Variants in SLC16A4 observed in about 807,000 individuals in gnomAD.
SLC16A4 encodes the protein probable monocarboxylate transporter 5.
A neutral mutation model predicts 47.9 loss-of-function variants in SLC16A4; 39 were observed. The ratio of observed to expected loss-of-function variants is 0.81; its 90% CI spans 0.63 to 1.06. The LOEUF (loss-of-function observed/expected upper bound fraction) is 1.06. Ranked by LOEUF, SLC16A4 falls within the 50% of genes least tolerant of loss-of-function variation. The probability of loss-of-function intolerance (pLI) is 0.00; values close to 1 mark genes in which losing one functional copy is unlikely to be tolerated. For synonymous variants in SLC16A4, 189 were observed against 199.9 expected, an observed-to-expected ratio of 0.95 and a Z score of 0.46; for missense variants, 524 against 573.8, an observed-to-expected ratio of 0.91 and a Z score of 0.89.
At chr1:110,384,638 ACT>A (rs778655094) in intron 2 of SLC16A4, among the ~76,000 whole-genome samples, 5 of 152,036 alleles carry the variant, frequency 3.3e-5, no homozygotes, top group Admixed American at 6.6e-5. Flanking sequence ...GCCCAGGTGT[ACT>A]CTCTGTCTCC....
intron 8 of SLC16A4, among the ~76,000 whole-genome samples, chr1:110,365,276 G>A (rs1175333925): frequency 1.3e-5 from 2 of 151,730 alleles, no homozygotes; most frequent in Admixed American, 1.3e-4. Context: ...TGCCTCACTG[G>A]ATATGTAGAG....
rs760854526 is a variant in SLC16A4 at position 110,389,312 on chromosome 1, C to T, written c.12G>A (p.Arg4=). Residue 4 remains arginine, a synonymous_variant, in exon 2 of 9, where the codon AGG becomes AGA. Transcript: ENST00000369779. ...TAGTGTAAGGTTGGACCTTCCCCTC[C>T]CTCTTCAGCATGATGCCTCTTCTAT... MLK[R]EGKVQPYTKT... 3 of 1,611,948 alleles carry T rather than the reference C, an allele frequency of 1.9e-6. No homozygotes were observed. The highest frequency in any genetic ancestry group is 1.3e-5 in the African/African-American group (1 of 74,900).
intron 2 of SLC16A4, among the ~76,000 whole-genome samples, chr1:110,385,500 A>G (rs1662684781): frequency 6.6e-6 from 1 of 152,188 alleles, no homozygotes; most frequent in South Asian, 2.1e-4. Flanking sequence ...TTGTCCAAAC[A>G]TAAACTCACA....
In SLC16A4 at chr1:110,379,239, A is replaced by C; in HGVS notation, c.644T>G (p.Leu215Trp). The change falls in exon 6 of 9, where the codon TTG (leucine) becomes TGG (tryptophan). Residue 215 changes from leucine to tryptophan, a missense_variant. Leu to Trp is a moderately conservative substitution (Grantham distance 61). Coordinates refer to ENST00000369779, the MANE Select transcript of SLC16A4 (RefSeq NM_004696.3). ...ATGTGCCTCTGGACCATGTGCAGAC[A>C]AACTGCTGCCTTTATCTTTAATACC... The part of the protein sequence containing the change: ...NSGIKDKGSS[L>W]SAHGPEAHAT... 6.2e-7 allele frequency: 1 copy of C among 1,614,232 alleles called. No homozygotes were observed. The highest frequency in any genetic ancestry group is 1.7e-5 in the Admixed American group (1 of 60,030).
chr1:110,383,580 A>T (rs755444873), intron 2 of SLC16A4, among the ~76,000 whole-genome samples: 2 of 152,112 alleles, frequency 1.3e-5, no homozygotes, highest in Non-Finnish European at 2.9e-5. Flanking sequence ...GATCCATCAA[A>T]TGCAGGGCCT....
At chr1:110,379,968 G>A (rs1662269332) in intron 5 of SLC16A4, 1 of 151,260 alleles carries the variant, frequency 6.6e-6, no homozygotes, top group Admixed American at 6.6e-5. Context: ...TGAGGTGGGA[G>A]GATCGCTTAG....
At position 110,377,014 on chromosome 1, in the gene SLC16A4, A is replaced by G. The variant is rs372165622; in HGVS notation, c.1178T>C (p.Met393Thr). The stretch of plus-strand genomic sequence containing the variant: ...GATGGCAAAGCAGATGGTGTAGGTC[A>G]TAAGTAGTGGAAATGTGGTGGCTAA... Reference protein sequence around the residue: ...APLATTFPLLMTYTICFAIFA... With the variant: ...APLATTFPLLTTYTICFAIFA... The change falls in exon 7 of 9, where the codon ATG (methionine) becomes ACG (threonine). Residue 393 changes from methionine to threonine, a missense_variant. Coordinates refer to ENST00000369779, the MANE Select transcript of SLC16A4 (RefSeq NM_004696.3). 6.2e-6 allele frequency: 10 copies of G among 1,613,792 alleles called. No homozygotes were observed. Among genetic ancestry groups the G allele is most frequent in the Admixed American group, 1.7e-5 (1 of 59,970 alleles).
At chr1:110,377,183 T>C in intron 6 of SLC16A4, 22 bp from the exon 7 acceptor site, 2 of 1,595,346 alleles carry the variant, frequency 1.3e-6, no homozygotes, top group Non-Finnish European at 1.7e-6. Flanking sequence ...TTGAAATCTT[T>C]TTATTTTCCT....
intron 2 of SLC16A4, among the ~76,000 whole-genome samples, chr1:110,383,815 T>G (rs1189319996): frequency 3.8e-4 from 40 of 104,348 alleles, no homozygotes; most frequent in South Asian, 6.7e-4. Context: ...GTTTTTTTTT[T>G]TTTTTTTTTT....
intron 1 of SLC16A4, among the ~76,000 whole-genome samples, chr1:110,389,878 C>T (rs149868861): frequency 5.8e-4 from 88 of 152,248 alleles, no homozygotes; most frequent in Middle Eastern, 3.4e-3. Flanking sequence ...AGGGGAACCA[C>T]AGACACTGGG....
chr1:110,380,631 C>CG (rs1219480058), intron 5 of SLC16A4, among the ~76,000 whole-genome samples: 1 of 5,586 alleles, frequency 1.8e-4, no homozygotes, highest in East Asian at 2.2e-3. Flanking sequence ...TTTGATGGGG[C>CG]GGGGGCGGGG....
chr1:110,390,941 T>C lies in SLC16A4; in HGVS notation c.-109A>G, dbSNP rs1663005983. On this transcript the variant is annotated 5_prime_UTR_variant, in exon 1 of 9. Coordinates refer to ENST00000369779, the MANE Select transcript of SLC16A4 (RefSeq NM_004696.3). ...AAGAAAAATAAATTACACCGTTTTC[T>C]GGAATGTTACTCTTTTTCTAAGGCA... The C allele has an allele frequency of 6.6e-6, 1 of 152,226 alleles. No homozygotes were observed. The highest frequency in any genetic ancestry group is 2.1e-4 in the South Asian group (1 of 4,830). 9.4% of individuals were successfully genotyped at this position (152,226 alleles called of 1,614,324 possible).
chr1:110,382,957 A>T lies in SLC16A4; in HGVS notation c.97T>A (p.Phe33Ile). 6.2e-7 allele frequency: 1 copy of T among 1,609,136 alleles called. No individual in the cohort carries two copies. Among genetic ancestry groups the T allele is most frequent in the Non-Finnish European group, 8.5e-7 (1 of 1,176,752 alleles). ...IVIHFFLVNVFVMGMTKTFAI... is the reference protein window; with the variant it reads ...IVIHFFLVNVIVMGMTKTFAI... ...AAAGTCTTGGTCATCCCCATCACAA[A>T]CACATTCACCTAAATCAAAGCAGAC... Residue 33 changes from phenylalanine (F) to isoleucine (I), a missense_variant, in exon 3 of 9, where the codon TTT becomes ATT. Coordinates refer to ENST00000369779, the MANE Select transcript of SLC16A4 (RefSeq NM_004696.3).
intron 2 of SLC16A4, among the ~76,000 whole-genome samples, chr1:110,383,816 T>TTTG (rs1662577924): frequency 9.2e-6 from 1 of 109,204 alleles, no homozygotes; most frequent in East Asian, 2.6e-4. Flanking sequence ...TTTTTTTTTT[T>TTTG]TTTTTTTTTT....
chr1:110,363,455 C>T lies in SLC16A4; in HGVS notation c.*311G>A, dbSNP rs181689674. 3.3e-3 allele frequency: 554 copies of T among 170,156 alleles called. 10 individuals are homozygous for T. Among genetic ancestry groups the T allele is most frequent in the Admixed American group, 0.026 (406 of 15,658 alleles). The allele number at this position is 170,156 out of a possible 1,614,324, so 10.5% of individuals were successfully genotyped here. On this transcript the variant is annotated 3_prime_UTR_variant, in exon 9 of 9. Transcript: ENST00000369779. Reference sequence around the variant, plus strand: ...TCCTGGCTAACATGGTGAAACCCCGCCTCTACTAAAAATACAAAAAATTAG... The same window carrying T: ...TCCTGGCTAACATGGTGAAACCCCGTCTCTACTAAAAATACAAAAAATTAG...
chr1:110,386,347 C>G (rs1319375420), intron 2 of SLC16A4, among the ~76,000 whole-genome samples: 7 of 152,156 alleles, frequency 4.6e-5, no homozygotes, highest in Non-Finnish European at 8.8e-5. Flanking sequence ...TAGGTTTTTC[C>G]TTAGTTAATT....
intron 2 of SLC16A4, 175 bp from the exon 3 acceptor site, chr1:110,383,141 A>G: frequency 2.0e-6 from 1 of 506,264 alleles, no homozygotes; most frequent in Non-Finnish European, 3.4e-6. Context: ...CTTTTAAAGT[A>G]GCTAAGCATT....
At chr1:110,378,725 T>G (rs1570644395) in intron 6 of SLC16A4, 128 bp downstream of exon 6, 1 of 1,193,880 alleles carries the variant, frequency 8.4e-7, no homozygotes, top group Non-Finnish European at 1.2e-6. Flanking sequence ...GCCTCAAAAA[T>G]TTTACTTTCT....
chr1:110,390,737 T>G (rs779000089), intron 1 of SLC16A4, 128 bp downstream of exon 1: 5 of 152,194 alleles, frequency 3.3e-5, no homozygotes, highest in African/African-American at 4.8e-5. Flanking sequence ...GGCTGACTGT[T>G]TCTAACTGGA....
Sources: allele counts gnomAD v4.1 joint callset (sites outside exome capture counted in the v4.1 genomes callset), GRCh38; gene constraint gnomAD v4.1.1; transcripts MANE v1.5; gene names NCBI Gene and HGNC (gene_info 2026-07-23, HGNC 2026-07-21).